GALNTL6: variants seen among roughly 807,000 people sequenced by gnomAD.
GALNTL6 encodes polypeptide N-acetylgalactosaminyltransferase like 6, also known as polypeptide N-acetylgalactosaminyltransferase-like 6.
Under a neutral mutation model 73.7 loss-of-function variants are expected in GALNTL6, and 46 were observed. That is an observed-to-expected ratio of 0.62 (90% CI 0.49 to 0.80). GALNTL6 has a LOEUF of 0.80. Ranked by LOEUF, GALNTL6 falls within the 30% of genes least tolerant of loss-of-function variation. The pLI is 0.00. For synonymous variants in GALNTL6, 259 were observed against 263.7 expected, an observed-to-expected ratio of 0.98 and a Z score of 0.17; for missense variants, 604 against 755.0, an observed-to-expected ratio of 0.80 and a Z score of 2.34.
At position 171,969,607 on chromosome 4, in the gene GALNTL6, C is replaced by T. The variant is rs191205270; in HGVS notation, c.138+154889C>T. ...TTGATTTGGTCTGCTTTTTAGAGAA[C>T]CTTTTATTTATACAAAGATAGCACT... is the stretch of plus-strand genomic sequence containing the variant. On this transcript the variant is annotated intron_variant, in intron 2 of 12. Transcript: ENST00000506823. Among the ~76,000 whole-genome samples the T allele has an allele frequency of 5.3e-5, 8 of 152,202 alleles. No homozygotes were observed. The East Asian group carries it at 1.5e-3, about 29-fold the overall frequency.
intron 2 of GALNTL6, among the ~76,000 whole-genome samples, chr4:172,218,552 T>G (rs13101290): frequency 0.41 from 61,558 of 151,742 alleles, 12,739 homozygotes; most frequent in African/African-American, 0.45. Flanking sequence ...AAAGAGACCT[T>G]GGTTGGGACT....
At chr4:172,058,596 T>A (rs1001380449) in intron 2 of GALNTL6, among the ~76,000 whole-genome samples, 4 of 152,144 alleles carry the variant, frequency 2.6e-5, no homozygotes, top group African/African-American at 9.7e-5. Context: ...CTTACCTTTT[T>A]TATTCTAGCT....
intron 2 of GALNTL6, among the ~76,000 whole-genome samples, chr4:171,952,749 T>C (rs1738922171): frequency 1.3e-5 from 2 of 152,038 alleles, no homozygotes; most frequent in Non-Finnish European, 2.9e-5. Flanking sequence ...ATCTAATGAG[T>C]AAAAATAAGG....
intron 5 of GALNTL6, among the ~76,000 whole-genome samples, chr4:172,441,030 A>T (rs1299882315): frequency 6.6e-6 from 1 of 151,922 alleles, no homozygotes; most frequent in South Asian, 2.1e-4. Context: ...ATATTTCCAA[A>T]TTTTTTCTCA....
chr4:172,160,007 T>C (rs1343875967), intron 2 of GALNTL6, among the ~76,000 whole-genome samples: 1 of 151,920 alleles, frequency 6.6e-6, no homozygotes, highest in Non-Finnish European at 1.5e-5. Context: ...ACAATGTGAG[T>C]TATTAGCAGC....
intron 2 of GALNTL6, among the ~76,000 whole-genome samples, chr4:172,011,594 T>C (rs1579056748): frequency 6.6e-6 from 1 of 152,092 alleles, no homozygotes; most frequent in East Asian, 1.9e-4. Flanking sequence ...TTTCAACTCA[T>C]ATCATTCCTG....
At chr4:172,211,904 A>T (rs947575233) in intron 2 of GALNTL6, among the ~76,000 whole-genome samples, 3 of 152,188 alleles carry the variant, frequency 2.0e-5, no homozygotes, top group Admixed American at 2.0e-4. Flanking sequence ...CATTCCCCAA[A>T]GGCCCCACTT....
intron 4 of GALNTL6, among the ~76,000 whole-genome samples, chr4:172,327,017 A>G (rs1740966289): frequency 6.6e-6 from 1 of 152,064 alleles, no homozygotes; most frequent in Non-Finnish European, 1.5e-5. Flanking sequence ...TTATATTATA[A>G]GCCTAAAAAT....
chr4:172,403,299 G>C (rs1281139541), intron 5 of GALNTL6, among the ~76,000 whole-genome samples: 1 of 151,948 alleles, frequency 6.6e-6, no homozygotes. Context: ...TTTTAGCAAA[G>C]AGTTATATAA....
At chr4:172,060,883 A>T (rs1731178560) in intron 2 of GALNTL6, among the ~76,000 whole-genome samples, 1 of 152,210 alleles carries the variant, frequency 6.6e-6, no homozygotes, top group Admixed American at 6.5e-5. Context: ...AATTTGACAC[A>T]AACTTATTCC....
chr4:171,954,552 AGTG>A (rs1190119961), intron 2 of GALNTL6, among the ~76,000 whole-genome samples: 1 of 152,254 alleles, frequency 6.6e-6, no homozygotes, highest in Non-Finnish European at 1.5e-5. Flanking sequence ...ACAAGGGAGA[AGTG>A]GGGAAGAGAT....
intron 2 of GALNTL6, among the ~76,000 whole-genome samples, chr4:172,098,157 A>G (rs560326258): frequency 6.6e-6 from 1 of 152,258 alleles, no homozygotes; most frequent in East Asian, 1.9e-4. Flanking sequence ...AGATAGGATA[A>G]CTGTATATAT....
At chr4:172,584,222 A>G (rs1737317546) in intron 5 of GALNTL6, among the ~76,000 whole-genome samples, 1 of 152,160 alleles carries the variant, frequency 6.6e-6, no homozygotes, top group African/African-American at 2.4e-5. Context: ...ATTAGAAAAG[A>G]CTTCCCAAAG....
chr4:172,824,361 A>AGTGTGT (rs200060660), intron 7 of GALNTL6, among the ~76,000 whole-genome samples: 2 of 119,684 alleles, frequency 1.7e-5, no homozygotes, highest in Non-Finnish European at 3.1e-5. Flanking sequence ...TCCATGGTAT[A>AGTGTGT]GTGTGTGTGT....
intron 3 of GALNTL6, among the ~76,000 whole-genome samples, chr4:172,303,179 T>C (rs1051862014): frequency 6.6e-6 from 1 of 152,068 alleles, no homozygotes; most frequent in East Asian, 1.9e-4. Flanking sequence ...TTTGTAGTTT[T>C]AGTAGAGATG....
At chr4:172,151,191 T>C (rs1199833876) in intron 2 of GALNTL6, among the ~76,000 whole-genome samples, 1 of 152,086 alleles carries the variant, frequency 6.6e-6, no homozygotes, top group East Asian at 1.9e-4. Flanking sequence ...AGTAAGATCT[T>C]AGAAGGAAAT....
intron 2 of GALNTL6, among the ~76,000 whole-genome samples, chr4:172,104,007 A>G (rs1242600004): frequency 1.3e-5 from 2 of 149,558 alleles, no homozygotes; most frequent in African/African-American, 2.5e-5. Flanking sequence ...GCAGTGGTGC[A>G]ATCTCCGCTC....
chr4:172,249,318 G>A (rs1193592432), intron 3 of GALNTL6, among the ~76,000 whole-genome samples: 2 of 152,144 alleles, frequency 1.3e-5, no homozygotes, highest in Non-Finnish European at 2.9e-5. Context: ...AGATGATTTA[G>A]GGTATCTGGC....
intron 5 of GALNTL6, among the ~76,000 whole-genome samples, chr4:172,591,390 A>C (rs1482877582): frequency 6.8e-6 from 1 of 146,462 alleles, no homozygotes; most frequent in Non-Finnish European, 1.5e-5. Flanking sequence ...ATATGTTCCC[A>C]TTAGTAAGTT....
Sources: allele counts gnomAD v4.1 joint callset (sites outside exome capture counted in the v4.1 genomes callset), GRCh38; gene constraint gnomAD v4.1.1; transcripts MANE v1.5; gene names NCBI Gene and HGNC (gene_info 2026-07-23, HGNC 2026-07-21).